Variants in CLEC4C observed in about 807,000 individuals in gnomAD.
The protein encoded by CLEC4C is C-type (calcium dependent, carbohydrate-recognition domain) lectin, superfamily member 11.
CLEC4C carries 17 observed loss-of-function variants against 27.7 expected under a neutral mutation model. That is an observed-to-expected ratio of 0.61 (90% CI 0.42 to 0.92). The LOEUF is 0.92. CLEC4C is among the 40% of genes least tolerant of loss of function. CLEC4C has a pLI of 0.00. For synonymous variants in CLEC4C, 80 were observed against 80.8 expected, an observed-to-expected ratio of 0.99 and a Z score of 0.06; for missense variants, 244 against 257.3, an observed-to-expected ratio of 0.95 and a Z score of 0.35.
intron 3 of CLEC4C, among the ~76,000 whole-genome samples, chr12:7,739,915 A>C (rs921892541): frequency 6.7e-6 from 1 of 149,400 alleles, no homozygotes; most frequent in Non-Finnish European, 1.5e-5. Flanking sequence ...GCTCACCACA[A>C]CCTCCACCTC....
At chr12:7,741,348 G>A in intron 3 of CLEC4C, 73 bp downstream of exon 3, 1 of 842,646 alleles carries the variant, frequency 1.2e-6, no homozygotes, top group South Asian at 1.4e-5. Flanking sequence ...TTTTAGTGCT[G>A]AAGATATAAA....
In CLEC4C at chr12:7,747,332, T is replaced by A. The variant is rs1414877743; in HGVS notation, c.17A>T (p.Glu6Val). The change falls in exon 1 of 6, where the codon GAG becomes GTG. Residue 6 changes from glutamate to valine, a missense_variant. Physicochemically the swap from Glu to Val is moderately radical, Grantham distance 121. Transcript: ENST00000360345. ...TGAGTGCTTACCTCGGTCTTGAGGC[T>A]CTTCTTCAGGCACCATTGTGTGTGC... MVPEE[E>V]PQDREKGLWW... The A allele has an allele frequency of 1.2e-6, 2 of 1,614,048 alleles. No homozygotes were observed. The highest frequency in any genetic ancestry group is 3.3e-5 in the Admixed American group (2 of 59,976).
chr12:7,740,465 C>T (rs7957328), intron 3 of CLEC4C, among the ~76,000 whole-genome samples: 34,395 of 151,712 alleles, frequency 0.23, 4,460 homozygotes, highest in Middle Eastern at 0.34. Context: ...TTTGGGAGGC[C>T]GATGCGGGAG....
At chr12:7,745,396 A>T (rs1308582497) in intron 2 of CLEC4C, among the ~76,000 whole-genome samples, 3 of 115,778 alleles carry the variant, frequency 2.6e-5, no homozygotes, top group Admixed American at 9.1e-5. Context: ...GAAAATAAAT[A>T]TCTGTTTTTT....
At chr12:7,740,365 C>T (rs1864825425) in intron 3 of CLEC4C, among the ~76,000 whole-genome samples, 1 of 151,952 alleles carries the variant, frequency 6.6e-6, no homozygotes, top group Non-Finnish European at 1.5e-5. Flanking sequence ...TACTGTTGAA[C>T]TTAGTGATTA....
At chr12:7,731,917 G>A (rs1050067135) in intron 4 of CLEC4C, among the ~76,000 whole-genome samples, 2 of 152,124 alleles carry the variant, frequency 1.3e-5, no homozygotes, top group African/African-American at 4.8e-5. Flanking sequence ...TCACGTTATT[G>A]CACTCTAGCA....
At position 7,737,434 on chromosome 12, in the gene CLEC4C, C is replaced by T; in HGVS notation, c.376G>A (p.Glu126Lys). ...ADLVVINTRE[E>K]QDFIIQNLKR... is the part of the protein sequence containing the mutation. Reference sequence around the variant, plus strand: ...CCTTGCCTGTTAGAACATACCTGTTCTTCCCTGGTGTTGATCACCACCAGA... The same window carrying T: ...CCTTGCCTGTTAGAACATACCTGTTTTTCCCTGGTGTTGATCACCACCAGA... Residue 126 changes from glutamate (E) to lysine (K), a missense_variant, in exon 4 of 6, where the codon GAA (glutamate) becomes AAA (lysine). Coordinates refer to ENST00000360345, the MANE Select transcript of CLEC4C (RefSeq NM_001371390.1). 3 of 1,608,024 alleles carry T rather than the reference C, an allele frequency of 1.9e-6. No homozygotes were observed. The highest frequency in any genetic ancestry group is 2.5e-6 in the Non-Finnish European group (3 of 1,177,106).
intron 1 of CLEC4C, among the ~76,000 whole-genome samples, chr12:7,746,943 G>C (rs1864996292): frequency 6.6e-6 from 1 of 152,120 alleles, no homozygotes; most frequent in South Asian, 2.1e-4. Context: ...TCCTGCCTCA[G>C]CCTCCCAAGT....
chr12:7,730,457 A>G (rs1042223719), intron 5 of CLEC4C, among the ~76,000 whole-genome samples: 2 of 152,168 alleles, frequency 1.3e-5, no homozygotes, highest in African/African-American at 4.8e-5. Context: ...CCTGGCCAAC[A>G]TGGTGAAACC....
chr12:7,733,353 T>C (rs1294596695), intron 4 of CLEC4C, among the ~76,000 whole-genome samples: 1 of 150,416 alleles, frequency 6.6e-6, no homozygotes, highest in Non-Finnish European at 1.5e-5. Flanking sequence ...AACCTTTGCT[T>C]TCTGGGTTCA....
At chr12:7,731,518 T>C (rs1282104128) in intron 4 of CLEC4C, among the ~76,000 whole-genome samples, 1 of 152,140 alleles carries the variant, frequency 6.6e-6, no homozygotes, top group Non-Finnish European at 1.5e-5. Flanking sequence ...CAATAGCCTT[T>C]AGGGGACTCA....
chr12:7,729,827 C>T (rs1048860388), intron 5 of CLEC4C, 87 bp from the exon 6 acceptor site: 43 of 1,272,874 alleles, frequency 3.4e-5, no homozygotes, highest in Middle Eastern at 1.9e-4. Flanking sequence ...TTAAACAGTG[C>T]GAAAGTCAAG....
chr12:7,746,036 A>C (rs1041252320), intron 2 of CLEC4C, among the ~76,000 whole-genome samples: 1 of 151,486 alleles, frequency 6.6e-6, no homozygotes, highest in African/African-American at 2.4e-5. Context: ...TAACACAGTG[A>C]AAACCCGTCT....
chr12:7,732,122 C>T (rs923066258), intron 4 of CLEC4C, among the ~76,000 whole-genome samples: 1 of 151,952 alleles, frequency 6.6e-6, no homozygotes, highest in Non-Finnish European at 1.5e-5. Flanking sequence ...CTCTGCCTCC[C>T]GGGTTCAAGT....
intron 2 of CLEC4C, among the ~76,000 whole-genome samples, chr12:7,746,083 C>T (rs970690362): frequency 2.6e-4 from 40 of 151,338 alleles, no homozygotes; most frequent in South Asian, 2.1e-4. Context: ...GGCATGGTGG[C>T]GGGCACCTGT....
rs776361811 is a variant in CLEC4C, at chr12:7,729,597, T to C, written c.641A>G (p.Ter214=). The C allele has an allele frequency of 8.0e-5, 129 of 1,612,908 alleles. No individual in the cohort carries two copies. The highest frequency in any genetic ancestry group is 1.1e-4 in the Non-Finnish European group (128 of 1,179,368). The change falls in exon 6 of 6, where the codon TAA becomes TGA. Residue 214 remains the stop codon, a stop_retained_variant. Transcript: ENST00000360345. ...ACATTTCCAGGGAGAATATTTCATTTATATGTAGATCTTCTTCATCTTGCA... is the reference window on the plus strand; with the variant it reads ...ACATTTCCAGGGAGAATATTTCATTCATATGTAGATCTTCTTCATCTTGCA... ...SICKMKKIYI[*]
intron 4 of CLEC4C, among the ~76,000 whole-genome samples, chr12:7,732,627 C>G (rs1864623504): frequency 6.6e-6 from 1 of 151,742 alleles, no homozygotes; most frequent in Non-Finnish European, 1.5e-5. Flanking sequence ...GCTGGGATTA[C>G]AGGCGTGAGC....
chr12:7,737,480 GTTC>G lies in CLEC4C; in HGVS notation c.327_329del (p.Lys109del). 1 of 1,613,982 alleles carries G rather than the reference GTTC, an allele frequency of 6.2e-7. No individual in the cohort carries two copies. Among genetic ancestry groups the G allele is most frequent in the Non-Finnish European group, 8.5e-7 (1 of 1,179,974 alleles). On this transcript the variant is annotated inframe_deletion, in exon 4 of 6. Transcript: ENST00000360345. ...CCAGATCAGCCCCCATCACAGAACAGTTCTTTTGACTCTTAGTCCAAGATTGCA... is the reference window on the plus strand; with the variant it reads ...CCAGATCAGCCCCCATCACAGAACAGTTTTGACTCTTAGTCCAAGATTGCA...
chr12:7,732,350 A>T (rs1864615121), intron 4 of CLEC4C, among the ~76,000 whole-genome samples: 2 of 135,998 alleles, frequency 1.5e-5, no homozygotes. Context: ...TTATTTTTTT[A>T]TTTTTTTTAT....
Sources: allele counts gnomAD v4.1 joint callset (sites outside exome capture counted in the v4.1 genomes callset), GRCh38; gene constraint gnomAD v4.1.1; transcripts MANE v1.5; gene names NCBI Gene and HGNC (gene_info 2026-07-23, HGNC 2026-07-21).